Variants in ZNF704 observed in about 807,000 individuals in gnomAD.
ZNF704 encodes the protein zinc finger protein 704.
A neutral mutation model predicts 44.7 loss-of-function variants in ZNF704; 10 were observed. The observed-to-expected ratio is 0.22, with a 90% CI of 0.14 to 0.38. ZNF704 has a LOEUF of 0.38. Among genes scored for constraint, ZNF704 ranks in the 10% least tolerant of loss-of-function variants. ZNF704 has a pLI of 1.00. For missense variants in ZNF704, 390 were observed against 545.5 expected, an observed-to-expected ratio of 0.71 and a Z score of 2.84; for synonymous variants, 211 against 207.6, an observed-to-expected ratio of 1.02 and a Z score of -0.14.
intron 7 of ZNF704, among the ~76,000 whole-genome samples, chr8:80,649,385 C>A (rs531682977): frequency 3.9e-5 from 6 of 152,178 alleles, no homozygotes; most frequent in African/African-American, 1.4e-4. Context: ...ACCCGGGAAG[C>A]GCAAGGGCTC....
chr8:80,762,193 A>T (rs1474291752), intron 2 of ZNF704, among the ~76,000 whole-genome samples: 1 of 152,260 alleles, frequency 6.6e-6, no homozygotes, highest in Non-Finnish European at 1.5e-5. Context: ...TGAAAATGAA[A>T]TACATCACAT....
At chr8:80,855,890 T>G (rs1309556587) in intron 1 of ZNF704, among the ~76,000 whole-genome samples, 4 of 152,240 alleles carry the variant, frequency 2.6e-5, no homozygotes, top group Non-Finnish European at 5.9e-5. Context: ...ACCAGTTTTG[T>G]GTTTTTATTG....
intron 2 of ZNF704, among the ~76,000 whole-genome samples, chr8:80,782,729 G>C (rs897134141): frequency 6.6e-6 from 1 of 152,192 alleles, no homozygotes; most frequent in Admixed American, 6.5e-5. Flanking sequence ...TGGGTTGTCA[G>C]CAGTGCTTTT....
intron 2 of ZNF704, among the ~76,000 whole-genome samples, chr8:80,717,946 A>G (rs1419683519): frequency 3.9e-5 from 6 of 152,180 alleles, no homozygotes; most frequent in Non-Finnish European, 7.3e-5. Context: ...ACTTGCATAC[A>G]AATGTGTTAG....
chr8:80,793,518 T>C (rs966736202), intron 2 of ZNF704, among the ~76,000 whole-genome samples: 1 of 152,100 alleles, frequency 6.6e-6, no homozygotes, highest in Non-Finnish European at 1.5e-5. Context: ...AAACATCATG[T>C]ACCATGTAAG....
chr8:80,763,262 C>T (rs1314214891), intron 2 of ZNF704, among the ~76,000 whole-genome samples: 1 of 152,244 alleles, frequency 6.6e-6, no homozygotes, highest in Non-Finnish European at 1.5e-5. Context: ...CCCTTCCACA[C>T]TGCCCTAGCA....
intron 2 of ZNF704, among the ~76,000 whole-genome samples, chr8:80,744,042 C>T (rs1282933639): frequency 2.0e-5 from 3 of 152,056 alleles, no homozygotes; most frequent in South Asian, 2.1e-4. Context: ...AGACTTGAAA[C>T]GTGGCTAGTC....
At chr8:80,725,264 T>C (rs1042339195) in intron 2 of ZNF704, among the ~76,000 whole-genome samples, 1 of 152,152 alleles carries the variant, frequency 6.6e-6, no homozygotes, top group African/African-American at 2.4e-5. Flanking sequence ...GGTTAAATTG[T>C]CAGATAAAAC....
chr8:80,795,269 G>C (rs1394375281), intron 2 of ZNF704, among the ~76,000 whole-genome samples: 2 of 152,144 alleles, frequency 1.3e-5, no homozygotes, highest in Non-Finnish European at 2.9e-5. Context: ...TGTTCACCCT[G>C]TTTTAATGGC....
At chr8:80,739,263 T>C (rs1273384943) in intron 2 of ZNF704, among the ~76,000 whole-genome samples, 1 of 152,182 alleles carries the variant, frequency 6.6e-6, no homozygotes, top group Non-Finnish European at 1.5e-5. Flanking sequence ...AATCTCTTCT[T>C]ATACATCAGG....
At chr8:80,789,493 T>A (rs1459366860) in intron 2 of ZNF704, among the ~76,000 whole-genome samples, 1 of 152,190 alleles carries the variant, frequency 6.6e-6, no homozygotes, top group African/African-American at 2.4e-5. Flanking sequence ...ATGTCTGTAA[T>A]CCCAGCACTT....
At chr8:80,866,364 G>A (rs1171937217) in intron 1 of ZNF704, among the ~76,000 whole-genome samples, 1 of 152,206 alleles carries the variant, frequency 6.6e-6, no homozygotes, top group Non-Finnish European at 1.5e-5. Flanking sequence ...TATCCTGTGT[G>A]TACAGCAGGA....
At chr8:80,811,817 T>C (rs114185415) in intron 2 of ZNF704, among the ~76,000 whole-genome samples, 5,346 of 152,270 alleles carry the variant, frequency 0.035, 328 homozygotes, top group African/African-American at 0.12. Context: ...TGTTAGGAAC[T>C]GGGCTGCAAA....
At chr8:80,749,412 T>C (rs1221400383) in intron 2 of ZNF704, 1 of 152,250 alleles carries the variant, frequency 6.6e-6, no homozygotes. Context: ...TTTAAACCAG[T>C]AAGATAGCAT....
intron 1 of ZNF704, among the ~76,000 whole-genome samples, chr8:80,841,484 A>G (rs1418246097): frequency 1.3e-5 from 2 of 151,786 alleles, no homozygotes; most frequent in Non-Finnish European, 2.9e-5. Context: ...TTCTATTGCT[A>G]TCATCATTTT....
At chr8:80,699,483 A>C (rs1563523254) in intron 2 of ZNF704, among the ~76,000 whole-genome samples, 2 of 152,236 alleles carry the variant, frequency 1.3e-5, no homozygotes, top group South Asian at 2.1e-4. Flanking sequence ...AAGATGGAAA[A>C]TTAGAGTGAA....
chr8:80,665,913 C>T (rs1818183332), intron 5 of ZNF704, among the ~76,000 whole-genome samples: 1 of 151,626 alleles, frequency 6.6e-6, no homozygotes, highest in Middle Eastern at 3.4e-3. Context: ...GCCAATTAAA[C>T]CTTTTTTCTT....
chr8:80,720,428 A>T (rs1819145796), intron 2 of ZNF704, among the ~76,000 whole-genome samples: 1 of 152,286 alleles, frequency 6.6e-6, no homozygotes, highest in African/African-American at 2.4e-5. Flanking sequence ...GTAAATTTCA[A>T]GACTAGTTTA....
intron 1 of ZNF704, among the ~76,000 whole-genome samples, chr8:80,848,888 G>T (rs1231226414): frequency 1.3e-5 from 2 of 152,104 alleles, no homozygotes; most frequent in Non-Finnish European, 2.9e-5. Flanking sequence ...AAAAGAACTT[G>T]CTTGAGATTA....
Sources: allele counts gnomAD v4.1 joint callset (sites outside exome capture counted in the v4.1 genomes callset), GRCh38; gene constraint gnomAD v4.1.1; transcripts MANE v1.5; gene names NCBI Gene and HGNC (gene_info 2026-07-23, HGNC 2026-07-21).